Variants in TRIO observed in about 807,000 individuals in gnomAD.
The protein encoded by TRIO is triple functional domain protein.
Under a neutral mutation model 351.9 loss-of-function variants are expected in TRIO, and 58 were observed. The observed-to-expected ratio is 0.16, with a 90% CI of 0.13 to 0.21. TRIO has a LOEUF of 0.21. Among genes scored for constraint, TRIO ranks in the 10% least tolerant of loss-of-function variants. TRIO has a pLI of 1.00. For missense variants in TRIO, 3,201 were observed against 4,027.8 expected (o/e 0.79, Z 5.56); for synonymous variants, 1,758 against 1,595.7 (o/e 1.10, Z -2.42).
intron 1 of TRIO, among the ~76,000 whole-genome samples, chr5:14,160,895 T>C (rs1788408642): frequency 6.6e-6 from 1 of 152,220 alleles, no homozygotes; most frequent in African/African-American, 2.4e-5. Context: ...CAAGGCCACA[T>C]GTGATGCCCA....
At chr5:14,447,351 A>G (rs1019265589) in intron 34 of TRIO, among the ~76,000 whole-genome samples, 21 of 152,178 alleles carry the variant, frequency 1.4e-4, no homozygotes, top group Non-Finnish European at 2.9e-5. Context: ...CTCTGTGAAA[A>G]CATGTATAAG....
chr5:14,406,294 A>G (rs149932517), intron 32 of TRIO: 3 of 558,932 alleles, frequency 5.4e-6, no homozygotes, highest in Admixed American at 3.1e-5. Context: ...GTTATAAAGC[A>G]TCGAGATGTT....
In TRIO at chr5:14,509,480, A is replaced by G; in HGVS notation, c.*1058A>G. On this transcript the variant is annotated 3_prime_UTR_variant, in exon 57 of 57. Transcript: ENST00000344204. ...AAATTTGTTGGTTTTGAGGACTGTA[A>G]AAGTGATTTCATACTCTGAATATAA... is the stretch of plus-strand genomic sequence containing the variant. 1 of 456,986 alleles carries G rather than the reference A, an allele frequency of 2.2e-6. No homozygotes were observed. The highest frequency in any genetic ancestry group is 4.4e-6 in the Non-Finnish European group (1 of 227,906). The allele number at this position is 456,986 out of a possible 1,614,324, so 28.3% of individuals were successfully genotyped here.
intron 11 of TRIO, among the ~76,000 whole-genome samples, chr5:14,352,522 A>G (rs1026295720): frequency 6.6e-6 from 1 of 152,226 alleles, no homozygotes; most frequent in Non-Finnish European, 1.5e-5. Context: ...CATCATGTAC[A>G]CCATTTTAAA....
At chr5:14,198,992 C>T (rs1174786529) in intron 1 of TRIO, among the ~76,000 whole-genome samples, 2 of 152,008 alleles carry the variant, frequency 1.3e-5, no homozygotes, top group African/African-American at 4.8e-5. Flanking sequence ...AATCCCAGCA[C>T]TTTGGAAGGC....
chr5:14,482,392 G>A (rs1561541216), intron 45 of TRIO, 190 bp from the exon 46 acceptor site: 7 of 421,166 alleles, frequency 1.7e-5, no homozygotes, highest in Non-Finnish European at 2.8e-5. Flanking sequence ...ATGTTGGCAA[G>A]AATTTTATTT....
intron 18 of TRIO, among the ~76,000 whole-genome samples, chr5:14,372,437 C>T (rs956892854): frequency 1.3e-5 from 2 of 152,192 alleles, no homozygotes; most frequent in Non-Finnish European, 2.9e-5. Flanking sequence ...CTGTACTTCC[C>T]ATCAGCCTTT....
intron 1 of TRIO, among the ~76,000 whole-genome samples, chr5:14,192,112 T>C (rs1414264497): frequency 2.6e-5 from 4 of 152,326 alleles, no homozygotes; most frequent in Non-Finnish European, 5.9e-5. Flanking sequence ...GCAATAATGA[T>C]GACAATAATA....
At chr5:14,391,184 T>C (rs1317130528) in intron 27 of TRIO, among the ~76,000 whole-genome samples, 194 bp downstream of exon 27, 1 of 152,210 alleles carries the variant, frequency 6.6e-6, no homozygotes, top group Non-Finnish European at 1.5e-5. Flanking sequence ...CCTACACAAA[T>C]ACTGGAAGCC....
At chr5:14,348,498 T>C (rs1288182186) in intron 11 of TRIO, among the ~76,000 whole-genome samples, 1 of 152,284 alleles carries the variant, frequency 6.6e-6, no homozygotes, top group Non-Finnish European at 1.5e-5. Flanking sequence ...TGTCTGTATG[T>C]ACGTGCACAT....
At chr5:14,425,313 G>A (rs1190438144) in intron 34 of TRIO, among the ~76,000 whole-genome samples, 1 of 152,206 alleles carries the variant, frequency 6.6e-6, no homozygotes, top group Non-Finnish European at 1.5e-5. Flanking sequence ...TGAGTAGAAA[G>A]TCATGTAGTC....
At chr5:14,403,473 T>TGAG (rs1459038356) in intron 31 of TRIO, among the ~76,000 whole-genome samples, 2 of 104,814 alleles carry the variant, frequency 1.9e-5, no homozygotes, top group African/African-American at 4.0e-5. Context: ...GTGCAGGTTG[T>TGAG]GGTGAGGGTG....
At chr5:14,310,026 C>T (rs1396117919) in intron 8 of TRIO, among the ~76,000 whole-genome samples, 1 of 152,248 alleles carries the variant, frequency 6.6e-6, no homozygotes, top group Non-Finnish European at 1.5e-5. Context: ...CCGTGTCACT[C>T]CTGTTTGTGC....
At chr5:14,418,708 G>A (rs1473140947) in intron 33 of TRIO, 1 of 153,206 alleles carries the variant, frequency 6.5e-6, no homozygotes, top group Non-Finnish European at 1.5e-5. Context: ...GCTTGAGGGT[G>A]TGGTTGAAGA....
At chr5:14,270,613 C>T (rs1191082877) in intron 1 of TRIO, among the ~76,000 whole-genome samples, 1 of 152,144 alleles carries the variant, frequency 6.6e-6, no homozygotes, top group East Asian at 1.9e-4. Flanking sequence ...GGACATGAGC[C>T]TCTGGGTCTG....
At chr5:14,370,714 C>T (rs543282513) in intron 18 of TRIO, among the ~76,000 whole-genome samples, 18 of 152,276 alleles carry the variant, frequency 1.2e-4, no homozygotes, top group African/African-American at 3.1e-4. Flanking sequence ...ACAGTTTCCA[C>T]GGTCATTAGT....
chr5:14,298,046 C>G (rs780195016), intron 7 of TRIO, among the ~76,000 whole-genome samples: 3 of 152,184 alleles, frequency 2.0e-5, no homozygotes, highest in Non-Finnish European at 4.4e-5. Context: ...GTTTAGCCTC[C>G]TTAGGGAGGT....
intron 37 of TRIO, 152 bp from the exon 38 acceptor site, chr5:14,471,166 G>T: frequency 9.2e-7 from 1 of 1,091,084 alleles, no homozygotes; most frequent in Non-Finnish European, 1.2e-6. Context: ...GGTTTTTTGT[G>T]TTATTAAATG....
intron 18 of TRIO, among the ~76,000 whole-genome samples, chr5:14,373,219 A>T (rs1745273505): frequency 6.6e-6 from 1 of 152,198 alleles, no homozygotes. Context: ...TCAAGATGAC[A>T]TTTGGGTGGG....
Sources: gnomAD v4.1 joint callset for allele counts (sites outside exome capture counted in the v4.1 genomes callset) on GRCh38, gnomAD v4.1.1 for gene constraint, MANE v1.5 for transcripts, NCBI Gene and HGNC (gene_info 2026-07-23, HGNC 2026-07-21) for gene names.